The following DCLK1 variants were observed in gnomAD, a reference collection of about 807,000 sequenced individuals.
The protein encoded by DCLK1 is serine/threonine-protein kinase DCLK1.
In DCLK1, 16 loss-of-function variants were observed where a neutral mutation model predicts 86.2. The ratio of observed to expected loss-of-function variants is 0.19; its 90% CI spans 0.13 to 0.28. DCLK1 has a LOEUF of 0.28. Among genes scored for constraint, DCLK1 ranks in the 10% least tolerant of loss-of-function variants. The probability of loss-of-function intolerance (pLI) is 1.00; values close to 1 mark genes in which losing one functional copy is unlikely to be tolerated. For synonymous variants in DCLK1, 369 were observed against 370.5 expected, an observed-to-expected ratio of 1.00 and a Z score of 0.05; for missense variants, 590 against 940.2, an observed-to-expected ratio of 0.63 and a Z score of 4.87.
intron 10 of DCLK1, among the ~76,000 whole-genome samples, chr13:35,825,234 A>G (rs997795132): frequency 2.6e-5 from 4 of 152,106 alleles, no homozygotes; most frequent in Non-Finnish European, 4.4e-5. Context: ...TCTCAGTGGA[A>G]AAGTCCTGGG....
chr13:36,055,570 G>A (rs544143953), intron 3 of DCLK1, among the ~76,000 whole-genome samples: 1 of 152,136 alleles, frequency 6.6e-6, no homozygotes, highest in African/African-American at 2.4e-5. Context: ...TCTTTTTGAC[G>A]GGTTCCTGGA....
chr13:35,999,563 C>T (rs1347374722), intron 3 of DCLK1, among the ~76,000 whole-genome samples: 1 of 152,192 alleles, frequency 6.6e-6, no homozygotes, highest in East Asian at 1.9e-4. Flanking sequence ...CCCCTTCTAC[C>T]TGGCTGAGCA....
At chr13:35,842,943 G>T (rs1173374656) in intron 6 of DCLK1, among the ~76,000 whole-genome samples, 1 of 152,106 alleles carries the variant, frequency 6.6e-6, no homozygotes, top group Non-Finnish European at 1.5e-5. Flanking sequence ...AGACCCTGCT[G>T]GAACATTTCT....
chr13:35,835,427 C>T (rs1020954845), intron 8 of DCLK1, among the ~76,000 whole-genome samples: 4 of 152,194 alleles, frequency 2.6e-5, no homozygotes, highest in East Asian at 1.9e-4. Context: ...TTGAGGCCCC[C>T]GTAGCTGGGT....
At chr13:35,954,666 A>G (rs1877882274) in intron 3 of DCLK1, among the ~76,000 whole-genome samples, 1 of 152,104 alleles carries the variant, frequency 6.6e-6, no homozygotes. Flanking sequence ...TCTAGTTCTT[A>G]TGGCTAGAAG....
chr13:36,131,466 G>C (rs1206743688), upstream of DCLK1, among the ~76,000 whole-genome samples: 1 of 151,708 alleles, frequency 6.6e-6, no homozygotes, highest in Admixed American at 6.6e-5. Flanking sequence ...CCTCCTCCGC[G>C]TGCGCGCCCC....
rs374206955 is a variant in DCLK1, at chr13:36,128,522, G to A, written c.-19-2366C>T. Reference sequence around the variant, plus strand: ...AGGCCACATAACTGATCCAGACCTCGTCTGCACACAGAGGAAGCAGTGGTC... The same window carrying A: ...AGGCCACATAACTGATCCAGACCTCATCTGCACACAGAGGAAGCAGTGGTC... On this transcript the variant is annotated intron_variant, in intron 1 of 16. Coordinates refer to ENST00000360631, the MANE Select transcript of DCLK1 (RefSeq NM_001330071.2). Among the ~76,000 whole-genome samples, 58 of 152,248 alleles carry A rather than the reference G, an allele frequency of 3.8e-4. 3 individuals carry two copies. The highest frequency in any genetic ancestry group is 1.2e-3 in the African/African-American group (50 of 41,560).
intron 4 of DCLK1, among the ~76,000 whole-genome samples, chr13:35,915,302 G>A (rs540472305): frequency 1.3e-5 from 2 of 152,274 alleles, no homozygotes; most frequent in African/African-American, 2.4e-5. Flanking sequence ...GTTGTAACAC[G>A]GAGGGGGTCC....
intron 5 of DCLK1, among the ~76,000 whole-genome samples, chr13:35,865,366 T>C (rs1871716945): frequency 1.3e-5 from 2 of 152,220 alleles, no homozygotes; most frequent in Non-Finnish European, 2.9e-5. Context: ...TATGATGCTC[T>C]TACAGATTCT....
At chr13:36,018,571 T>C (rs1881631416) in intron 3 of DCLK1, among the ~76,000 whole-genome samples, 1 of 152,196 alleles carries the variant, frequency 6.6e-6, no homozygotes, top group Admixed American at 6.5e-5. Flanking sequence ...TCAAAATGTA[T>C]GCTTCTTTTA....
At chr13:35,976,522 G>A (rs1157260543) in intron 3 of DCLK1, among the ~76,000 whole-genome samples, 2 of 97,494 alleles carry the variant, frequency 2.1e-5, no homozygotes, top group East Asian at 5.4e-4. Flanking sequence ...CAGCTTCTCC[G>A]AGGTTTTTTT....
intron 11 of DCLK1, among the ~76,000 whole-genome samples, chr13:35,821,204 A>G (rs1002242272): frequency 1.3e-5 from 2 of 152,174 alleles, no homozygotes; most frequent in South Asian, 4.1e-4. Flanking sequence ...AACTTACCCA[A>G]TGTGGTTGCT....
intron 6 of DCLK1, chr13:35,846,921 G>C: frequency 1.0e-6 from 1 of 985,210 alleles, no homozygotes; most frequent in Middle Eastern, 5.2e-4. Context: ...TCGCCTTACA[G>C]GTTATCTGGC....
At chr13:36,016,817 C>T (rs959139168) in intron 3 of DCLK1, among the ~76,000 whole-genome samples, 1 of 152,078 alleles carries the variant, frequency 6.6e-6, no homozygotes, top group Non-Finnish European at 1.5e-5. Flanking sequence ...TTTTAACATG[C>T]AATCAGTATA....
chr13:36,108,985 G>T (rs1926323), intron 3 of DCLK1, among the ~76,000 whole-genome samples: 24,713 of 152,198 alleles, frequency 0.16, 2,299 homozygotes, highest in Middle Eastern at 0.21. Flanking sequence ...TCAAGCCTCA[G>T]TCTCTGCCAG....
In DCLK1 at chr13:35,947,395, C is replaced by G. The variant is rs1294775940; in HGVS notation, c.786G>C (p.Lys262Asn). The G allele has an allele frequency of 6.2e-7, 1 of 1,613,836 alleles. No homozygotes were observed. Among genetic ancestry groups the G allele is most frequent in the Non-Finnish European group, 8.5e-7 (1 of 1,179,882 alleles). The change falls in exon 4 of 17, where the codon AAG becomes AAC. Residue 262 changes from lysine to asparagine, a missense_variant. Transcript: ENST00000360631. ...GCAAGAAATCATCCTGGTAACGGAA[C>G]TTCTCCGGTCCACATGCAATAAAAA... ...DDIFIACGPE[K>N]FRYQDDFLLD...
chr13:35,990,562 A>G (rs973634353), intron 3 of DCLK1, among the ~76,000 whole-genome samples: 3 of 152,112 alleles, frequency 2.0e-5, no homozygotes, highest in African/African-American at 7.2e-5. Context: ...CAGTAGAGAC[A>G]GTGGCTGTTG....
intron 16 of DCLK1, among the ~76,000 whole-genome samples, chr13:35,782,557 T>C (rs1037874296): frequency 6.6e-6 from 1 of 152,212 alleles, no homozygotes; most frequent in African/African-American, 2.4e-5. Flanking sequence ...AAAAGTGGGA[T>C]GTTATTTTAG....
chr13:35,814,492 G>A (rs928507391), intron 11 of DCLK1, among the ~76,000 whole-genome samples: 2 of 152,208 alleles, frequency 1.3e-5, no homozygotes, highest in African/African-American at 4.8e-5. Context: ...GAAAGGGCAT[G>A]AGCAGGCTGC....
Sources: gnomAD v4.1 joint callset for allele counts (sites outside exome capture counted in the v4.1 genomes callset) on GRCh38, gnomAD v4.1.1 for gene constraint, MANE v1.5 for transcripts, NCBI Gene and HGNC (gene_info 2026-07-23, HGNC 2026-07-21) for gene names.